The following NPAS3 variants were observed in gnomAD, a reference collection of about 807,000 sequenced individuals.
The protein encoded by NPAS3 is neuronal PAS domain-containing protein 3.
In NPAS3, 14 loss-of-function variants were observed where a neutral mutation model predicts 73.1. The observed-to-expected ratio is 0.19, with a 90% confidence interval of 0.13 to 0.30. The LOEUF (loss-of-function observed/expected upper bound fraction) is 0.30, where lower values mean the gene tolerates loss of function less well. Ranked by LOEUF, NPAS3 falls within the 10% of genes least tolerant of loss-of-function variation. NPAS3 has a pLI of 1.00. For synonymous variants in NPAS3, 620 were observed against 541.5 expected (o/e 1.14, Z -2.01); for missense variants, 1,096 against 1,250.0 (o/e 0.88, Z 1.86).
intron 4 of NPAS3, among the ~76,000 whole-genome samples, chr14:33,496,845 GC>G: frequency 6.6e-6 from 1 of 152,230 alleles, no homozygotes; most frequent in Admixed American, 6.5e-5. Flanking sequence ...GGAAGTTCTG[GC>G]CAGGGCAGTC....
At chr14:33,371,502 A>G (rs557722219) in intron 4 of NPAS3, among the ~76,000 whole-genome samples, 2 of 152,314 alleles carry the variant, frequency 1.3e-5, no homozygotes, top group Non-Finnish European at 2.9e-5. Context: ...CTCTTCAGCA[A>G]TCTCCTTTAA....
At position 33,800,605 on chromosome 14, in the gene NPAS3, CGGGGGCGGGGGCGGCGGCGCG is replaced by C; in HGVS notation, c.2307_2327del (p.Gly771_Gly777del). ...AGCACCCCGGGAACGGCGGCGGGGGCGGGGGCGGGGGCGGCGGCGCGGGGGGCGGCGGCCCCAGCGCGTCCA... is the reference window on the plus strand; with the variant it reads ...AGCACCCCGGGAACGGCGGCGGGGGCGGGGGCGGCGGCCCCAGCGCGTCCA... On this transcript the variant is annotated inframe_deletion, in exon 12 of 12. Transcript: ENST00000356141. This position sits in a 1 kb window ranked among gnomAD's most constrained non-coding sequence, Gnocchi z 6.5. 7.6e-7 allele frequency: 1 copy of C among 1,310,512 alleles called. No individual in the cohort carries two copies. 81.2% of individuals were successfully genotyped at this position (1,310,512 alleles called of 1,614,324 possible). A position where few individuals can be genotyped will look rare whatever the true frequency, so the allele number is the denominator to read the frequency against.
At chr14:33,206,829 C>T (rs1269113893) in intron 2 of NPAS3, among the ~76,000 whole-genome samples, 3 of 152,076 alleles carry the variant, frequency 2.0e-5, no homozygotes, top group African/African-American at 7.2e-5. Flanking sequence ...AGCAATTGTC[C>T]TTTGCATGGT....
At chr14:33,354,833 T>C (rs2045257639) in intron 3 of NPAS3, among the ~76,000 whole-genome samples, 1 of 152,126 alleles carries the variant, frequency 6.6e-6, no homozygotes. Context: ...ATTGAACCCC[T>C]CTCTACGGTC....
chr14:33,718,167 A>G (rs1026247239), intron 6 of NPAS3, among the ~76,000 whole-genome samples: 4 of 151,880 alleles, frequency 2.6e-5, no homozygotes, highest in African/African-American at 9.7e-5. Flanking sequence ...TGTTCTTTTC[A>G]TTCTTCTTCT....
At chr14:33,760,562 C>T (rs1024846755) in intron 7 of NPAS3, among the ~76,000 whole-genome samples, 2 of 152,136 alleles carry the variant, frequency 1.3e-5, no homozygotes, top group Non-Finnish European at 2.9e-5. Context: ...GTGAGTAGTT[C>T]ATACATCTGT....
intron 3 of NPAS3, among the ~76,000 whole-genome samples, chr14:33,226,809 A>G (rs2047652199): frequency 6.6e-6 from 1 of 152,198 alleles, no homozygotes; most frequent in Admixed American, 6.5e-5. Context: ...AATGTTTTGT[A>G]ATTAAAGCAT....
chr14:33,312,990 A>G (rs1378541405), intron 3 of NPAS3, among the ~76,000 whole-genome samples: 1 of 152,046 alleles, frequency 6.6e-6, no homozygotes, highest in African/African-American at 2.4e-5. Flanking sequence ...TAAAGTGTTT[A>G]TTGGGAATTA....
chr14:32,960,711 T>C (rs2036875627), intron 1 of NPAS3, among the ~76,000 whole-genome samples: 1 of 152,242 alleles, frequency 6.6e-6, no homozygotes, highest in South Asian at 2.1e-4. Context: ...GGCCATGAAT[T>C]TTATTCATAG....
At chr14:33,179,337 G>T (rs2045711884) in intron 2 of NPAS3, among the ~76,000 whole-genome samples, 1 of 152,110 alleles carries the variant, frequency 6.6e-6, no homozygotes, top group African/African-American at 2.4e-5. Context: ...AAATATTTGT[G>T]TACTTAAATT....
intron 4 of NPAS3, among the ~76,000 whole-genome samples, chr14:33,535,796 T>C (rs540212542): frequency 2.6e-5 from 4 of 152,340 alleles, no homozygotes; most frequent in South Asian, 4.1e-4. Context: ...TTTATACTTA[T>C]TAGTTTTGTT....
In NPAS3 at chr14:33,789,470, C is replaced by A. The variant is rs1013434915; in HGVS notation, c.1154-4427C>A. Reference sequence around the variant, plus strand: ...GGACCTTTCAAGATTCTAAGCTAACCTATGCAAGTGTATTTATCCTCTCTA... The same window carrying A: ...GGACCTTTCAAGATTCTAAGCTAACATATGCAAGTGTATTTATCCTCTCTA... On this transcript the variant is annotated intron_variant, in intron 9 of 11. Coordinates refer to ENST00000356141, the Ensembl canonical transcript of NPAS3. 2.6e-5 allele frequency among the ~76,000 whole-genome samples: 4 copies of A among 151,900 alleles called. No individual in the cohort carries two copies. In the East Asian group the frequency reaches 7.7e-4, roughly 29 times the overall value.
At chr14:32,987,400 A>G (rs1167350506) in intron 1 of NPAS3, among the ~76,000 whole-genome samples, 1 of 152,126 alleles carries the variant, frequency 6.6e-6, no homozygotes, top group Admixed American at 6.5e-5. Context: ...CCAGTCCTGC[A>G]TGTTTGAAAG....
At chr14:33,277,968 G>C (rs191875423) in intron 3 of NPAS3, among the ~76,000 whole-genome samples, 1 of 152,038 alleles carries the variant, frequency 6.6e-6, no homozygotes, top group Non-Finnish European at 1.5e-5. Context: ...GCAGAGGTTC[G>C]GGTTGCAGAG....
chr14:33,308,048 T>A (rs1321772232), intron 3 of NPAS3, among the ~76,000 whole-genome samples: 2 of 152,158 alleles, frequency 1.3e-5, no homozygotes, highest in Non-Finnish European at 2.9e-5. Flanking sequence ...GCCTTCTCCC[T>A]GACTGATTGG....
In NPAS3 at chr14:33,496,012, A is replaced by G. The variant is rs547589289; in HGVS notation, c.469-64109A>G. Among the ~76,000 whole-genome samples, 4 of 152,250 alleles carry G rather than the reference A, an allele frequency of 2.6e-5. No individual in the cohort carries two copies. The South Asian group carries it at 8.3e-4, about 32-fold the overall frequency. ...CAAATAGACACAATAAAAAATGATA[A>G]CGGGGAATATCACCACTAATCCCAC... On this transcript the variant is annotated intron_variant, in intron 4 of 11. Coordinates refer to ENST00000356141, the Ensembl canonical transcript of NPAS3.
At chr14:33,077,694 G>C (rs189275595) in intron 2 of NPAS3, among the ~76,000 whole-genome samples, 1 of 143,936 alleles carries the variant, frequency 6.9e-6, no homozygotes, top group Admixed American at 7.1e-5. Context: ...TTCAAGACTT[G>C]ATTTAATTAC....
Position 33,676,129 on chromosome 14 carries a change from G to GAATC in NPAS3, c.559-81_559-78dup, listed in dbSNP as rs3831181. The GAATC allele has an allele frequency of 4.7e-3, 6,490 of 1,391,092 alleles. 347 individuals are homozygous for GAATC. The East Asian group carries it at 0.12, about 26-fold the overall frequency. The allele number at this position is 1,391,092 out of a possible 1,614,324, so 86.2% of individuals were successfully genotyped here. A position where few individuals can be genotyped will look rare whatever the true frequency, so the allele number is the denominator to read the frequency against. On this transcript the variant is annotated intron_variant, in intron 5 of 11. Coordinates refer to ENST00000356141, the Ensembl canonical transcript of NPAS3. ...CTGAATGTATTTTCTTTTCTACTCAGAATCTGAATCACTGTGTTGAATTTG... is the reference window on the plus strand; with the variant it reads ...CTGAATGTATTTTCTTTTCTACTCAGAATCAATCTGAATCACTGTGTTGAATTTG...
intron 1 of NPAS3, among the ~76,000 whole-genome samples, chr14:33,032,094 G>A (rs1260653143): frequency 1.3e-5 from 2 of 152,204 alleles, no homozygotes; most frequent in African/African-American, 4.8e-5. Flanking sequence ...CAACTGAACA[G>A]GAAGTTGAGA....
Sources: gnomAD v4.1 joint callset for allele counts (sites outside exome capture counted in the v4.1 genomes callset) on GRCh38, gnomAD v4.1.1 for gene constraint, Gnocchi (gnomAD v3.1) non-coding constraint, MANE v1.5 for transcripts, NCBI Gene and HGNC (gene_info 2026-07-23, HGNC 2026-07-21) for gene names.